FAT3: variants seen among roughly 807,000 people sequenced by gnomAD.
The protein encoded by FAT3 is FAT atypical cadherin 3.
In FAT3, 95 loss-of-function variants were observed where a neutral mutation model predicts 310.2. That is an observed-to-expected ratio of 0.31 (90% CI 0.26 to 0.36). The LOEUF (loss-of-function observed/expected upper bound fraction) is 0.36. Among genes scored for constraint, FAT3 ranks in the 10% least tolerant of loss-of-function variants. FAT3 has a pLI of 1.00. For missense variants in FAT3, 5,408 were observed against 5,715.6 expected (o/e 0.95, Z 1.74); for synonymous variants, 2,314 against 2,192.9 (o/e 1.06, Z -1.54).
At chr11:92,872,115 A>G (rs1437321054) in intron 22 of FAT3, among the ~76,000 whole-genome samples, 2 of 152,208 alleles carry the variant, frequency 1.3e-5, no homozygotes, top group Admixed American at 1.3e-4. Context: ...GGATGAAACA[A>G]GTTCTTGGAT....
chr11:92,833,908 G>T (rs1948331381), intron 14 of FAT3, among the ~76,000 whole-genome samples: 1 of 152,164 alleles, frequency 6.6e-6, no homozygotes, highest in Admixed American at 6.5e-5. Flanking sequence ...CTTAATTATG[G>T]GGAGAAAGAG....
At chr11:92,412,730 T>TATACAC (rs1950310185) in intron 2 of FAT3, among the ~76,000 whole-genome samples, 2 of 22,886 alleles carry the variant, frequency 8.7e-5, no homozygotes, top group Admixed American at 1.4e-3. Context: ...TATATATATA[T>TATACAC]ATATATATAT....
intron 3 of FAT3, among the ~76,000 whole-genome samples, chr11:92,694,845 G>A (rs1216973995): frequency 1.3e-5 from 2 of 152,118 alleles, no homozygotes; most frequent in African/African-American, 4.8e-5. Context: ...GAGAGGGGAG[G>A]CTCCATGAAA....
intron 4 of FAT3, among the ~76,000 whole-genome samples, chr11:92,733,982 G>A (rs917067357): frequency 1.4e-4 from 21 of 152,306 alleles, no homozygotes; most frequent in African/African-American, 5.1e-4. Context: ...CAAAGCATCT[G>A]TTTAATATGT....
Position 92,539,059 on chromosome 11 carries a change from T to C in FAT3, c.3607+14111T>C, listed in dbSNP as rs891495075. On this transcript the variant is annotated intron_variant, in intron 3 of 27. Transcript: ENST00000525166. Reference sequence around the variant, plus strand: ...CCACCACTTAAGTAAATTTCTCTTCTTTGTAAAATTTCCTATTTTATAAAG... The same window carrying C: ...CCACCACTTAAGTAAATTTCTCTTCCTTGTAAAATTTCCTATTTTATAAAG... Among the ~76,000 whole-genome samples the C allele has an allele frequency of 6.6e-5, 10 of 152,288 alleles. No individual in the cohort carries two copies. The East Asian group carries it at 1.7e-3, about 26-fold the overall frequency.
At chr11:92,560,357 T>C (rs1955178120) in intron 3 of FAT3, among the ~76,000 whole-genome samples, 3 of 152,202 alleles carry the variant, frequency 2.0e-5, no homozygotes, top group Admixed American at 6.5e-5. Context: ...GTGTCAGATA[T>C]ATGATTTACA....
intron 13 of FAT3, among the ~76,000 whole-genome samples, chr11:92,824,594 G>C (rs1332456806): frequency 1.3e-5 from 2 of 152,196 alleles, no homozygotes; most frequent in East Asian, 3.9e-4. Context: ...TTGAGTATTT[G>C]ATTGCACTCC....
At chr11:92,417,981 A>T (rs1166641873) in intron 2 of FAT3, among the ~76,000 whole-genome samples, 1 of 152,110 alleles carries the variant, frequency 6.6e-6, no homozygotes, top group Non-Finnish European at 1.5e-5. Flanking sequence ...TGTTGAGTTA[A>T]TGGGGGTGGA....
At chr11:92,863,685 T>C (rs559807169) in intron 21 of FAT3, among the ~76,000 whole-genome samples, 1 of 152,360 alleles carries the variant, frequency 6.6e-6, no homozygotes, top group African/African-American at 2.4e-5. Context: ...CTCCTCTGAT[T>C]TGAGAAAGCT....
intron 13 of FAT3, among the ~76,000 whole-genome samples, chr11:92,830,554 A>C (rs1948218323): frequency 6.6e-6 from 1 of 151,970 alleles, no homozygotes; most frequent in African/African-American, 2.4e-5. Flanking sequence ...ACATCTGTAC[A>C]CCAATGACAC....
At chr11:92,239,794 A>C (rs1482573747) in intron 1 of FAT3, among the ~76,000 whole-genome samples, 1 of 152,098 alleles carries the variant, frequency 6.6e-6, no homozygotes, top group Non-Finnish European at 1.5e-5. Flanking sequence ...CATTAACTTG[A>C]TTAGGGGTCT....
intron 1 of FAT3, among the ~76,000 whole-genome samples, chr11:92,310,880 G>A (rs1268107584): frequency 6.6e-6 from 1 of 151,856 alleles, no homozygotes; most frequent in Non-Finnish European, 1.5e-5. Context: ...CAACTGTCTT[G>A]CAAGACCAGA....
chr11:92,444,748 G>T (rs886760424), intron 2 of FAT3, among the ~76,000 whole-genome samples: 1 of 151,764 alleles, frequency 6.6e-6, no homozygotes, highest in Non-Finnish European at 1.5e-5. Flanking sequence ...TAGCAGTCAG[G>T]ACATCTGATT....
At chr11:92,364,610 A>G (rs1489706654) in intron 2 of FAT3, among the ~76,000 whole-genome samples, 1 of 152,246 alleles carries the variant, frequency 6.6e-6, no homozygotes, top group Non-Finnish European at 1.5e-5. Context: ...GAAAATTAAA[A>G]TGGGCTGTAG....
chr11:92,355,266 G>A lies in FAT3; in HGVS notation c.3154G>A (p.Val1052Ile), dbSNP rs1458132595. The A allele has an allele frequency of 6.2e-7, 1 of 1,613,820 alleles. No homozygotes were observed. Among genetic ancestry groups the A allele is most frequent in the Non-Finnish European group, 8.5e-7 (1 of 1,179,870 alleles). ...CCCAGACTTTGCTGTTGTTGGATCTGTAAAGGAAAACTCACGCATTGGAAC... is the reference window on the plus strand; with the variant it reads ...CCCAGACTTTGCTGTTGTTGGATCTATAAAGGAAAACTCACGCATTGGAAC... ...YFPDFAVVGS[V>I]KENSRIGTSV... The change falls in exon 2 of 28, where the codon GTA becomes ATA. Residue 1052 changes from valine (V) to isoleucine (I), a missense_variant. By Grantham distance (29) the Val-to-Ile change is conservative. Coordinates refer to ENST00000525166, the MANE Select transcript of FAT3 (RefSeq NM_001367949.2).
At chr11:92,769,559 A>G (rs1394217224) in intron 6 of FAT3, among the ~76,000 whole-genome samples, 2 of 152,222 alleles carry the variant, frequency 1.3e-5, no homozygotes, top group Non-Finnish European at 2.9e-5. Context: ...CACCTCAGAC[A>G]GTTCCTCTTT....
intron 7 of FAT3, among the ~76,000 whole-genome samples, chr11:92,781,532 C>G (rs565342707): frequency 2.7e-4 from 41 of 152,074 alleles, no homozygotes; most frequent in Non-Finnish European, 3.1e-4. Flanking sequence ...AAATCATATA[C>G]GAGTCCAGGA....
chr11:92,856,377 G>A (rs1415022253), intron 19 of FAT3, among the ~76,000 whole-genome samples: 2 of 152,152 alleles, frequency 1.3e-5, no homozygotes, highest in Non-Finnish European at 2.9e-5. Flanking sequence ...AGTCTTACCA[G>A]ATTAAAAGCA....
At chr11:92,463,731 G>T (rs1269258531) in intron 2 of FAT3, among the ~76,000 whole-genome samples, 1 of 152,136 alleles carries the variant, frequency 6.6e-6, no homozygotes, top group Non-Finnish European at 1.5e-5. Context: ...TATTTACACT[G>T]GTAGTCTGGC....
Sources: gnomAD v4.1 joint callset for allele counts (sites outside exome capture counted in the v4.1 genomes callset) on GRCh38, gnomAD v4.1.1 for gene constraint, MANE v1.5 for transcripts, NCBI Gene and HGNC (gene_info 2026-07-23, HGNC 2026-07-21) for gene names.